PSMA7: variants seen among roughly 807,000 people sequenced by gnomAD.
PSMA7 encodes proteasome subunit alpha type-7.
Under a neutral mutation model 31.3 loss-of-function variants are expected in PSMA7, and 5 were observed. That is an observed-to-expected ratio of 0.16 (90% CI 0.08 to 0.34). The LOEUF (loss-of-function observed/expected upper bound fraction) is 0.34, where lower values mean the gene tolerates loss of function less well. PSMA7 is among the 10% of genes least tolerant of loss of function. The pLI, the probability that PSMA7 is intolerant of heterozygous loss-of-function variation, is 1.00. For missense variants in PSMA7, 217 were observed against 327.5 expected (o/e 0.66, Z 2.60); for synonymous variants, 155 against 121.9 (o/e 1.27, Z -1.79).
chr20:62,139,220 A>G, intron 3 of PSMA7, 23 bp from the exon 4 acceptor site: 1 of 1,603,590 alleles, frequency 6.2e-7, no homozygotes, highest in African/African-American at 1.3e-5. Flanking sequence ...GAAACAGGTC[A>G]GTGCCATCCA....
intron 3 of PSMA7, chr20:62,139,490 C>G (rs1304204060): frequency 1.5e-6 from 1 of 654,114 alleles, no homozygotes; most frequent in African/African-American, 1.8e-5. Context: ...GGGTGGCTTC[C>G]AGCCCCCTTC....
At position 62,138,202 on chromosome 20, in the gene PSMA7, G is replaced by C; in HGVS notation, c.560C>G (p.Thr187Ser). The change falls in exon 5 of 7, where the codon ACC (threonine) becomes AGC (serine). Residue 187 changes from threonine (T) to serine (S), a missense_variant. Physicochemically the swap from Thr to Ser is moderately conservative, Grantham distance 58. Coordinates refer to ENST00000370873, the MANE Select transcript of PSMA7 (RefSeq NM_002792.4). Reference sequence around the variant, plus strand: ...GAGTGCCTTGATCACCAGCTTAATGGTCAGATCATCTGTTTCAATGGCTTC... The same window carrying C: ...GAGTGCCTTGATCACCAGCTTAATGCTCAGATCATCTGTTTCAATGGCTTC... ...TDEAIETDDL[T>S]IKLVIKALLE... 6.2e-7 allele frequency: 1 copy of C among 1,614,196 alleles called. No individual in the cohort carries two copies. The highest frequency in any genetic ancestry group is 1.3e-5 in the African/African-American group (1 of 75,052).
chr20:62,138,943 T>C, intron 4 of PSMA7, 132 bp downstream of exon 4: 1 of 1,197,062 alleles, frequency 8.4e-7, no homozygotes. Context: ...ATTTTCTTGC[T>C]CTCATAGGAC....
intron 2 of PSMA7, 146 bp from the exon 3 acceptor site, chr20:62,140,051 A>G: frequency 2.6e-6 from 3 of 1,137,306 alleles, no homozygotes; most frequent in Non-Finnish European, 3.6e-6. Context: ...GGAACCTATC[A>G]GCCCCTGGGA....
intron 1 of PSMA7, among the ~76,000 whole-genome samples, chr20:62,142,777 C>T (rs957351055): frequency 4.6e-5 from 7 of 152,172 alleles, no homozygotes; most frequent in African/African-American, 1.7e-4. Context: ...GCTCCCCAGC[C>T]ACCCGGCTGC....
rs2056897558 is a variant in PSMA7, at chr20:62,136,921, T to A, written c.683A>T (p.Tyr228Phe). The A allele has an allele frequency of 6.2e-7, 1 of 1,601,788 alleles. No homozygotes were observed. The change falls in exon 7 of 7, where the codon TAT becomes TTT. Residue 228 changes from tyrosine to phenylalanine, a missense_variant. Tyr to Phe is a conservative substitution (Grantham distance 22, BLOSUM62 3). This residue lies in a region of PSMA7 where 88 missense variants were observed against 111.6 expected (regional missense o/e 0.79). Coordinates refer to ENST00000370873, the MANE Select transcript of PSMA7 (RefSeq NM_002792.4). ...KILNPEEIEKYVAEIEKEKEE... is the reference protein window; with the variant it reads ...KILNPEEIEKFVAEIEKEKEE... Reference sequence around the variant, plus strand: ...TTTTTCTTTTTCAATTTCAGCAACATACTTCTCAATTTCTTCAGGATTTAA... The same window carrying A: ...TTTTTCTTTTTCAATTTCAGCAACAAACTTCTCAATTTCTTCAGGATTTAA...
intron 2 of PSMA7, among the ~76,000 whole-genome samples, chr20:62,140,575 G>A (rs2056921798): frequency 1.3e-5 from 2 of 151,904 alleles, no homozygotes; most frequent in South Asian, 4.2e-4. Flanking sequence ...TAACAGTGGA[G>A]GTCAAATTGC....
intron 1 of PSMA7, 144 bp from the exon 2 acceptor site, chr20:62,141,088 G>A (rs890833958): frequency 8.6e-6 from 9 of 1,049,908 alleles, no homozygotes; most frequent in African/African-American, 4.8e-5. Flanking sequence ...GGACAACATG[G>A]GAAAACCCTG....
rs1243925721 is a variant in PSMA7 at position 62,139,763 on chromosome 20, A to C, written c.348+18T>G. On this transcript the variant is annotated intron_variant, in intron 3 of 6. Transcript: ENST00000370873. ...GCCCTGCTGCCAGAGGTGAGCATGC[A>C]AGCGGGCAGGCACCCACCTGCTTCA... is the stretch of plus-strand genomic sequence containing the variant. The C allele has an allele frequency of 6.2e-7, 1 of 1,613,880 alleles. No homozygotes were observed. Among genetic ancestry groups the C allele is most frequent in the South Asian group, 1.1e-5 (1 of 91,086 alleles).
chr20:62,143,021 G>C (rs2056947688), intron 1 of PSMA7, among the ~76,000 whole-genome samples, 187 bp downstream of exon 1: 1 of 149,844 alleles, frequency 6.7e-6, no homozygotes, highest in African/African-American at 2.4e-5. Flanking sequence ...GCCAAACGCC[G>C]CCTCTGCAGG....
At chr20:62,142,531 G>A (rs756788286) in intron 1 of PSMA7, 2 of 152,252 alleles carry the variant, frequency 1.3e-5, no homozygotes, top group Non-Finnish European at 2.9e-5. Flanking sequence ...ATGTCACTAA[G>A]GTCAATGTAC....
At chr20:62,137,600 T>C (rs1211451974) in intron 5 of PSMA7, 174 bp from the exon 6 acceptor site, 1 of 652,090 alleles carries the variant, frequency 1.5e-6, no homozygotes, top group Non-Finnish European at 2.7e-6. Context: ...TTGTGAAGTC[T>C]GTTTGGGATG....
chr20:62,143,102 ACGCCCGCGGGCGCCCACAGCGCCG>A (rs896826043), intron 1 of PSMA7, 82 bp downstream of exon 1: 4 of 603,802 alleles, frequency 6.6e-6, no homozygotes, highest in African/African-American at 4.2e-5. Context: ...TGCCCCGCGC[ACGCCCGCGGGCGCCCACAGCGCCG>A]CGCCCGGCCC....
intron 2 of PSMA7, among the ~76,000 whole-genome samples, chr20:62,140,559 G>A (rs1332767698): frequency 1.3e-5 from 2 of 152,216 alleles, no homozygotes; most frequent in African/African-American, 2.4e-5. Context: ...GATTGATACA[G>A]AAAAATAACA....
At chr20:62,142,271 T>C (rs2056934999) in intron 1 of PSMA7, among the ~76,000 whole-genome samples, 1 of 152,084 alleles carries the variant, frequency 6.6e-6, no homozygotes, top group African/African-American at 2.4e-5. Flanking sequence ...GGTGGCAGTA[T>C]TGGGGTGGGT....
chr20:62,136,816 T>C lies in PSMA7; in HGVS notation c.*41A>G, dbSNP rs545301690. On this transcript the variant is annotated 3_prime_UTR_variant, in exon 7 of 7. Coordinates refer to ENST00000370873, the MANE Select transcript of PSMA7 (RefSeq NM_002792.4). ...CTACACATCGAGACTCATCCATGAT[T>C]GATATGAATTTAAAAATTACAAGCA... is the stretch of plus-strand genomic sequence containing the variant. 1.3e-6 allele frequency: 2 copies of C among 1,577,082 alleles called. No homozygotes were observed. The highest frequency in any genetic ancestry group is 2.7e-5 in the African/African-American group (2 of 72,860).
chr20:62,141,690 T>C (rs932786698), intron 1 of PSMA7, among the ~76,000 whole-genome samples: 10 of 152,242 alleles, frequency 6.6e-5, no homozygotes, highest in Admixed American at 2.0e-4. Flanking sequence ...TGAAATTATA[T>C]TGAGCCACAA....
intron 1 of PSMA7, 84 bp downstream of exon 1, chr20:62,143,124 C>G (rs1356741724): frequency 1.1e-6 from 1 of 904,006 alleles, no homozygotes; most frequent in Admixed American, 5.8e-5. Flanking sequence ...GCCCACAGCG[C>G]CGCGCCCGGC....
rs376685002 is a variant in PSMA7 at position 62,140,178 on chromosome 20, T to C, written c.224-273A>G. On this transcript the variant is annotated intron_variant, in intron 2 of 6. Transcript: ENST00000370873. The stretch of plus-strand genomic sequence containing the variant: ...ATGCATTTACTACCCCATAAACCCA[T>C]TGTAAATAAAAAATTGTAGGCTGCC... Among the ~76,000 whole-genome samples the C allele has an allele frequency of 4.3e-4, 65 of 152,266 alleles. 1 individual carries two copies. The South Asian group carries it at 0.013, about 31-fold the overall frequency.
Sources: gnomAD v4.1 joint callset for allele counts (sites outside exome capture counted in the v4.1 genomes callset) on GRCh38, gnomAD v4.1.1 for gene constraint, gnomAD v4.1.1 regional missense constraint, MANE v1.5 for transcripts, NCBI Gene and HGNC (gene_info 2026-07-23, HGNC 2026-07-21) for gene names.